The following KLRG1 variants were observed in gnomAD, a reference collection of about 807,000 sequenced individuals.
KLRG1 encodes killer cell lectin like receptor G1, also known as killer cell lectin-like receptor subfamily G member 1.
In KLRG1, 16 loss-of-function variants were observed where a neutral mutation model predicts 21.8. That is an observed-to-expected ratio of 0.73 (90% CI 0.50 to 1.11). The LOEUF (loss-of-function observed/expected upper bound fraction) is 1.11. Among genes scored for constraint, KLRG1 ranks in the 50% most tolerant of loss-of-function variants. KLRG1 has a pLI of 0.00. For synonymous variants in KLRG1, 69 were observed against 75.9 expected (o/e 0.91, Z 0.47); for missense variants, 173 against 218.3 (o/e 0.79, Z 1.31).
chr12:9,069,924 A>T, the KLRG1 span: 44 of 890,958 alleles, frequency 4.9e-5, no homozygotes, highest in Non-Finnish European at 7.5e-5. Context: ...AATTCTTCAA[A>T]TGCTTTTTGT....
the KLRG1 span, chr12:9,150,825 T>G: frequency 1.1e-6 from 1 of 898,602 alleles, no homozygotes; most frequent in East Asian, 2.5e-5. Context: ...TTCTTATTGT[T>G]CTTTGACTCT....
At chr12:9,100,150 C>T in the KLRG1 span, among the ~76,000 whole-genome samples, 12 of 152,066 alleles carry the variant, frequency 7.9e-5, no homozygotes, top group Non-Finnish European at 1.3e-4. Flanking sequence ...GGCAAGAGTC[C>T]GCTTCAGTCG....
At chr12:9,156,961 CATGTGCAGG>C in the KLRG1 span, among the ~76,000 whole-genome samples, 154 of 151,638 alleles carry the variant, frequency 1.0e-3, 4 homozygotes, top group Admixed American at 9.9e-3. Context: ...TTCTGGGGTA[CATGTGCAGG>C]ATGTGCAGGT....
At chr12:9,148,846 G>T in the KLRG1 span, 1 of 764,752 alleles carries the variant, frequency 1.3e-6, no homozygotes, top group South Asian at 1.8e-5. Flanking sequence ...GTGATAGTTT[G>T]ACCAGAAGTA....
the KLRG1 span, among the ~76,000 whole-genome samples, chr12:9,035,745 C>T: frequency 6.6e-6 from 1 of 152,130 alleles, no homozygotes; most frequent in Non-Finnish European, 1.5e-5. Context: ...ATGGAATCAA[C>T]CTAGATGCCC....
the KLRG1 span, chr12:9,099,405 A>C: frequency 6.4e-7 from 1 of 1,564,678 alleles, no homozygotes; most frequent in Non-Finnish European, 8.7e-7. Flanking sequence ...AATTTTCAAC[A>C]TCATATTTTG....
chr12:9,115,738 C>A, the KLRG1 span: 1 of 1,575,720 alleles, frequency 6.3e-7, no homozygotes, highest in East Asian at 2.2e-5. Context: ...TAGGTTCATG[C>A]TTCACGCTCT....
chr12:9,158,007 G>A, the KLRG1 span, among the ~76,000 whole-genome samples: 4 of 152,182 alleles, frequency 2.6e-5, no homozygotes, highest in Admixed American at 2.0e-4. Context: ...AGGCTGGAGT[G>A]CAGTAGCACT....
the KLRG1 span, among the ~76,000 whole-genome samples, chr12:9,205,025 G>C: frequency 2.6e-5 from 4 of 152,110 alleles, no homozygotes; most frequent in South Asian, 2.1e-4. Flanking sequence ...TTAAGCCCAC[G>C]AGGTTGAGGC....
At chr12:9,163,296 CAAAAAAA>C in the KLRG1 span, among the ~76,000 whole-genome samples, 1 of 134,432 alleles carries the variant, frequency 7.4e-6, no homozygotes, top group African/African-American at 2.9e-5. Flanking sequence ...ACTAAAAATA[CAAAAAAA>C]AAAAAAAAAA....
chr12:9,056,337 C>T, the KLRG1 span, among the ~76,000 whole-genome samples: 3 of 152,180 alleles, frequency 2.0e-5, no homozygotes, highest in African/African-American at 7.2e-5. Context: ...TAGTATAATC[C>T]GTTACTCTGG....
the KLRG1 span, chr12:9,070,695 A>G: frequency 5.9e-6 from 4 of 679,606 alleles, no homozygotes; most frequent in South Asian, 8.5e-5. Flanking sequence ...CTTCCCAAAT[A>G]TCTTATCCCA....
chr12:9,154,672 T>A, the KLRG1 span: 11 of 1,614,008 alleles, frequency 6.8e-6, no homozygotes, highest in Non-Finnish European at 9.3e-6. Flanking sequence ...CACTTCACAA[T>A]GTTAGTTGCA....
the KLRG1 span, among the ~76,000 whole-genome samples, chr12:9,119,936 C>T: frequency 6.6e-6 from 1 of 152,180 alleles, no homozygotes; most frequent in African/African-American, 2.4e-5. Context: ...GTTGCCAGGA[C>T]ACCTGAGCCC....
intron 1 of KLRG1, among the ~76,000 whole-genome samples, chr12:8,957,489 C>T (rs749652528): frequency 1.3e-5 from 2 of 152,134 alleles, no homozygotes; most frequent in East Asian, 1.9e-4. Flanking sequence ...TTAGCAACCT[C>T]GGAATACTTG....
the KLRG1 span, among the ~76,000 whole-genome samples, chr12:9,142,516 C>T: frequency 3.5e-4 from 54 of 152,254 alleles, no homozygotes; most frequent in Admixed American, 1.2e-3. Flanking sequence ...ATTAAAGTCA[C>T]GTGAACTGAA....
At chr12:9,107,887 T>C in the KLRG1 span, among the ~76,000 whole-genome samples, 2 of 152,022 alleles carry the variant, frequency 1.3e-5, no homozygotes, top group Non-Finnish European at 2.9e-5. Flanking sequence ...TTTTTTTAGT[T>C]TTATCTTAAA....
chr12:9,009,896 A>C lies in KLRG1; in HGVS notation c.*359A>C, dbSNP rs574893678. 3.0e-4 allele frequency: 460 copies of C among 1,511,672 alleles called. 1 individual carries two copies. The highest frequency in any genetic ancestry group is 3.7e-4 in the Non-Finnish European group (423 of 1,136,040). The allele number at this position is 1,511,672 out of a possible 1,614,324, so 93.6% of individuals were successfully genotyped here. On this transcript the variant is annotated 3_prime_UTR_variant, in exon 5 of 5. Coordinates refer to ENST00000356986, the MANE Select transcript of KLRG1 (RefSeq NM_005810.4). Reference sequence around the variant, plus strand: ...TGATATTCTGAGCTAATCTGATAAAATCTATGCCAATATATACTATTGCTT... The same window carrying C: ...TGATATTCTGAGCTAATCTGATAAACTCTATGCCAATATATACTATTGCTT...
chr12:9,183,459 G>T, the KLRG1 span, among the ~76,000 whole-genome samples: 1 of 152,114 alleles, frequency 6.6e-6, no homozygotes, highest in Non-Finnish European at 1.5e-5. Flanking sequence ...AAATGCAGTG[G>T]TGCAATCATA....
Sources: gnomAD v4.1 joint callset for allele counts (sites outside exome capture counted in the v4.1 genomes callset) on GRCh38, gnomAD v4.1.1 for gene constraint, MANE v1.5 for transcripts, NCBI Gene and HGNC (gene_info 2026-07-23, HGNC 2026-07-21) for gene names.